Variants in GALNT17 observed in about 807,000 individuals in gnomAD.
The protein encoded by GALNT17 is UDP-GalNAc:polypeptide N-acetylgalactosaminyltransferase-like 3.
Under a neutral mutation model 63.7 loss-of-function variants are expected in GALNT17, and 29 were observed. The observed-to-expected ratio is 0.46, with a 90% confidence interval of 0.34 to 0.62. GALNT17 has a LOEUF of 0.62. GALNT17 is among the 20% of genes least tolerant of loss of function. The pLI, the probability that GALNT17 is intolerant of heterozygous loss-of-function variation, is 0.01. For synonymous variants in GALNT17, 305 were observed against 318.3 expected (o/e 0.96, Z 0.45); for missense variants, 603 against 799.6 (o/e 0.75, Z 2.97).
At position 71,470,171 on chromosome 7, in the gene GALNT17, T is replaced by C. The variant is rs140261797; in HGVS notation, c.962+49066T>C. Among the ~76,000 whole-genome samples, 837 of 152,272 alleles carry C rather than the reference T, an allele frequency of 5.5e-3. 10 individuals carry two copies. The highest frequency in any genetic ancestry group is 0.019 in the African/African-American group (800 of 41,558). On this transcript the variant is annotated intron_variant, in intron 5 of 10. Coordinates refer to ENST00000333538, the MANE Select transcript of GALNT17 (RefSeq NM_022479.3). ...CTGCAGTGAGCCAAGATCACACCAC[T>C]GCACTGCAGCCTAGAAGACAGAGCG... is the stretch of plus-strand genomic sequence containing the variant.
At chr7:71,535,898 G>C (rs1165059501) in intron 5 of GALNT17, among the ~76,000 whole-genome samples, 1 of 152,166 alleles carries the variant, frequency 6.6e-6, no homozygotes. Context: ...CATTTAATTT[G>C]TAGAAATAAA....
At chr7:71,420,544 CTG>C (rs1165134587) in intron 4 of GALNT17, among the ~76,000 whole-genome samples, 1 of 152,166 alleles carries the variant, frequency 6.6e-6, no homozygotes, top group Non-Finnish European at 1.5e-5. Flanking sequence ...CTGTATAAAA[CTG>C]TCATGCAATG....
At chr7:71,292,084 A>G (rs927930332) in intron 1 of GALNT17, among the ~76,000 whole-genome samples, 3 of 152,240 alleles carry the variant, frequency 2.0e-5, no homozygotes, top group Non-Finnish European at 4.4e-5. Context: ...GCTAGTTTAT[A>G]ACTGTAGATT....
intron 1 of GALNT17, among the ~76,000 whole-genome samples, chr7:71,264,314 C>G (rs1790448480): frequency 6.6e-6 from 1 of 152,130 alleles, no homozygotes; most frequent in African/African-American, 2.4e-5. Flanking sequence ...TTCATTCTCC[C>G]TGTGTTTTTT....
intron 6 of GALNT17, among the ~76,000 whole-genome samples, chr7:71,604,932 C>T (rs1007231825): frequency 1.3e-5 from 2 of 152,146 alleles, no homozygotes; most frequent in Admixed American, 6.6e-5. Flanking sequence ...AGCAGAGTGC[C>T]CCCATTCTAG....
intron 1 of GALNT17, among the ~76,000 whole-genome samples, chr7:71,148,874 A>G (rs1562863768): frequency 7.0e-6 from 1 of 141,982 alleles, no homozygotes; most frequent in East Asian, 2.0e-4. Context: ...ATATATATAT[A>G]TATATATATA....
At chr7:71,326,739 G>C (rs1791711903) in intron 1 of GALNT17, among the ~76,000 whole-genome samples, 1 of 152,100 alleles carries the variant, frequency 6.6e-6, no homozygotes, top group South Asian at 2.1e-4. Flanking sequence ...ACTTGCCCCA[G>C]CCTGGGCATC....
At chr7:71,560,570 G>A (rs1242769141) in intron 5 of GALNT17, among the ~76,000 whole-genome samples, 1 of 152,208 alleles carries the variant, frequency 6.6e-6, no homozygotes, top group African/African-American at 2.4e-5. Context: ...CAGAGGAGGG[G>A]TCCTAGTGGC....
At chr7:71,292,666 A>AGTGTGTGT (rs748111147) in intron 1 of GALNT17, among the ~76,000 whole-genome samples, 13 of 117,082 alleles carry the variant, frequency 1.1e-4, no homozygotes, top group African/African-American at 3.3e-4. Flanking sequence ...AGAGAGAGAG[A>AGTGTGTGT]GAGTGTGTGT....
At chr7:71,179,688 AGGGTTCC>A (rs1243490312) in intron 1 of GALNT17, among the ~76,000 whole-genome samples, 1 of 152,184 alleles carries the variant, frequency 6.6e-6, no homozygotes, top group Non-Finnish European at 1.5e-5. Flanking sequence ...CCTGCCTACC[AGGGTTCC>A]ACCTCTGACT....
At chr7:71,557,643 T>C (rs908768545) in intron 5 of GALNT17, among the ~76,000 whole-genome samples, 5 of 151,628 alleles carry the variant, frequency 3.3e-5, no homozygotes, top group Admixed American at 2.0e-4. Flanking sequence ...AAAATAAAAT[T>C]AGCCAGGCCC....
chr7:71,416,671 G>T lies in GALNT17; in HGVS notation c.764+608G>T, dbSNP rs62462229. 6.8e-3 allele frequency among the ~76,000 whole-genome samples: 1,038 copies of T among 152,182 alleles called. 5 individuals carry two copies. Among genetic ancestry groups the T allele is most frequent in the Non-Finnish European group, 0.011 (737 of 68,014 alleles). On this transcript the variant is annotated intron_variant, in intron 4 of 10. Coordinates refer to ENST00000333538, the MANE Select transcript of GALNT17 (RefSeq NM_022479.3). ...TTAGATAAAACTCAACAGAATCCTT[G>T]CAAATGGTACAAGACAGTCATATTT... is the stretch of plus-strand genomic sequence containing the variant.
chr7:71,534,028 C>T (rs994386967), intron 5 of GALNT17, among the ~76,000 whole-genome samples: 1 of 152,016 alleles, frequency 6.6e-6, no homozygotes, highest in African/African-American at 2.4e-5. Flanking sequence ...GTTTCAATTC[C>T]CTGATACCGT....
chr7:71,672,168 A>G (rs943208747), intron 8 of GALNT17, among the ~76,000 whole-genome samples: 2 of 152,250 alleles, frequency 1.3e-5, no homozygotes, highest in African/African-American at 4.8e-5. Context: ...TAAAGGAAGA[A>G]TCAAACAATG....
chr7:71,245,964 A>G (rs1361538018), intron 1 of GALNT17, among the ~76,000 whole-genome samples: 2 of 150,992 alleles, frequency 1.3e-5, no homozygotes, highest in African/African-American at 4.9e-5. Flanking sequence ...TTGGAAAGCC[A>G]TTTGGAAGTA....
At chr7:71,417,570 C>T (rs1260293392) in intron 4 of GALNT17, among the ~76,000 whole-genome samples, 1 of 152,162 alleles carries the variant, frequency 6.6e-6, no homozygotes, top group African/African-American at 2.4e-5. Flanking sequence ...TTCCTGGGCT[C>T]CACTCAGTCC....
At chr7:71,428,211 C>T (rs1786795646) in intron 5 of GALNT17, among the ~76,000 whole-genome samples, 2 of 152,130 alleles carry the variant, frequency 1.3e-5, no homozygotes, top group African/African-American at 4.8e-5. Context: ...CTTATTCCCC[C>T]AAATAGCGAC....
rs183501975 is a variant in GALNT17, at chr7:71,285,094, G to A, written c.239-50456G>A. On this transcript the variant is annotated intron_variant, in intron 1 of 10. Transcript: ENST00000333538. ...ATGAGAAAAGAAATCATAACAAATT[G>A]CTAAGTTAAAGAAAGCCGACAAATA... Among the ~76,000 whole-genome samples the A allele has an allele frequency of 2.5e-3, 378 of 152,234 alleles. 1 individual carries two copies. The highest frequency in any genetic ancestry group is 3.4e-3 in the Middle Eastern group (1 of 294).
At chr7:71,165,399 C>G (rs185781344) in intron 1 of GALNT17, among the ~76,000 whole-genome samples, 1 of 152,152 alleles carries the variant, frequency 6.6e-6, no homozygotes, top group African/African-American at 2.4e-5. Flanking sequence ...ACTCATAGTT[C>G]CACGTGGCTA....
Sources: gnomAD v4.1 joint callset for allele counts (sites outside exome capture counted in the v4.1 genomes callset) on GRCh38, gnomAD v4.1.1 for gene constraint, MANE v1.5 for transcripts, NCBI Gene and HGNC (gene_info 2026-07-23, HGNC 2026-07-21) for gene names.